The following CSMD3 variants were observed in gnomAD, a reference collection of about 807,000 sequenced individuals.
The protein encoded by CSMD3 is CUB and sushi domain-containing protein 3.
A neutral mutation model predicts 435.2 loss-of-function variants in CSMD3; 177 were observed. The observed-to-expected ratio is 0.41, with a 90% CI of 0.36 to 0.46. The LOEUF (loss-of-function observed/expected upper bound fraction) is 0.46. CSMD3 is among the 20% of genes least tolerant of loss of function. The pLI is 0.34. For synonymous variants in CSMD3, 1,656 were observed against 1,520.5 expected (o/e 1.09, Z -2.07); for missense variants, 4,265 against 4,504.6 (o/e 0.95, Z 1.52).
At chr8:112,879,957 A>C (rs565956410) in intron 10 of CSMD3, among the ~76,000 whole-genome samples, 3 of 152,172 alleles carry the variant, frequency 2.0e-5, no homozygotes, top group Admixed American at 2.0e-4. Context: ...CATTAGGAGA[A>C]ATATCTAATG....
chr8:112,422,107 G>A (rs1313886372), intron 32 of CSMD3, among the ~76,000 whole-genome samples: 11 of 152,004 alleles, frequency 7.2e-5, no homozygotes, highest in Non-Finnish European at 1.5e-5. Flanking sequence ...TGGTGGACAG[G>A]TCACATTAAA....
chr8:113,412,381 G>A (rs530413448), intron 1 of CSMD3, among the ~76,000 whole-genome samples: 20 of 152,200 alleles, frequency 1.3e-4, no homozygotes, highest in Admixed American at 8.5e-4. Context: ...GACTTGCAGA[G>A]TAAAGAAGTT....
chr8:113,215,163 CT>C (rs2092888382), intron 3 of CSMD3, among the ~76,000 whole-genome samples: 1 of 151,764 alleles, frequency 6.6e-6, no homozygotes, highest in Non-Finnish European at 1.5e-5. Context: ...GATATATTTG[CT>C]TTGCTTATAA....
intron 7 of CSMD3, among the ~76,000 whole-genome samples, chr8:112,963,186 C>G (rs960572678): frequency 6.6e-6 from 1 of 151,914 alleles, no homozygotes; most frequent in Non-Finnish European, 1.5e-5. Context: ...TAATGCAAGG[C>G]TACAATAGGA....
chr8:112,916,748 G>A (rs2130584469), intron 10 of CSMD3, among the ~76,000 whole-genome samples: 1 of 151,974 alleles, frequency 6.6e-6, no homozygotes, highest in East Asian at 1.9e-4. Context: ...GCAACTTTCT[G>A]TAGTTGCAAT....
At chr8:112,899,236 C>A (rs1223672708) in intron 10 of CSMD3, among the ~76,000 whole-genome samples, 4 of 150,872 alleles carry the variant, frequency 2.7e-5, no homozygotes, top group Non-Finnish European at 5.9e-5. Context: ...CCAGACTATG[C>A]AGAAACTAAT....
rs372447560 is a variant in CSMD3 at position 112,373,616 on chromosome 8, A to C, written c.6136+6736T>G. ...AGCATTTTGAGGCACCTTAAAATAC[A>C]TAAGGAGTTCTTCAGAATTTCTGTA... On this transcript the variant is annotated intron_variant, in intron 38 of 70. Coordinates refer to ENST00000297405, the MANE Select transcript of CSMD3 (RefSeq NM_198123.2). 2.6e-5 allele frequency among the ~76,000 whole-genome samples: 4 copies of C among 152,308 alleles called. No homozygotes were observed. In the East Asian group the frequency reaches 5.8e-4, roughly 22 times the overall value.
At chr8:113,417,491 G>C (rs2129893443) in intron 1 of CSMD3, among the ~76,000 whole-genome samples, 1 of 151,908 alleles carries the variant, frequency 6.6e-6, no homozygotes, top group African/African-American at 2.4e-5. Context: ...TAATATTTTG[G>C]AAGCAAACCT....
chr8:112,696,713 A>G (rs2131853866), intron 13 of CSMD3, among the ~76,000 whole-genome samples: 1 of 152,226 alleles, frequency 6.6e-6, no homozygotes, highest in South Asian at 2.1e-4. Context: ...ACAAAAGCCA[A>G]AATTGACAAA....
chr8:112,843,776 C>T (rs1489028914), intron 11 of CSMD3, among the ~76,000 whole-genome samples: 1 of 151,850 alleles, frequency 6.6e-6, no homozygotes, highest in African/African-American at 2.4e-5. Flanking sequence ...ACATTCTTTC[C>T]CAGATTTTCC....
At position 112,442,865 on chromosome 8, in the gene CSMD3, A is replaced by T. The variant is rs1815185084; in HGVS notation, c.5395+29726T>A. 2.6e-5 allele frequency among the ~76,000 whole-genome samples: 4 copies of T among 152,322 alleles called. No homozygotes were observed. The South Asian group carries it at 8.3e-4, about 32-fold the overall frequency. ...AAGTGAGTCAGATTCAAACATGCAG[A>T]CAAGGCCAACAGCCTGGCCTAAGGG... On this transcript the variant is annotated intron_variant, in intron 32 of 70. Transcript: ENST00000297405.
At chr8:112,670,534 T>C (rs1200748458) in intron 16 of CSMD3, among the ~76,000 whole-genome samples, 2 of 152,124 alleles carry the variant, frequency 1.3e-5, no homozygotes, top group African/African-American at 2.4e-5. Flanking sequence ...AAAGGCATTA[T>C]CAGATTATGA....
At chr8:112,514,392 T>A (rs1823461623) in intron 28 of CSMD3, among the ~76,000 whole-genome samples, 1 of 152,188 alleles carries the variant, frequency 6.6e-6, no homozygotes, top group East Asian at 1.9e-4. Flanking sequence ...CCATAAAGCA[T>A]TCAAAATATA....
chr8:113,149,755 CAT>C (rs961941565), intron 4 of CSMD3, among the ~76,000 whole-genome samples: 5 of 151,854 alleles, frequency 3.3e-5, no homozygotes, highest in Non-Finnish European at 5.9e-5. Context: ...TGAGTTTTCA[CAT>C]ATGCTATCCC....
chr8:112,386,788 C>G (rs948926322), intron 36 of CSMD3, among the ~76,000 whole-genome samples: 2 of 152,128 alleles, frequency 1.3e-5, no homozygotes, highest in Non-Finnish European at 2.9e-5. Context: ...TGAGCCACCG[C>G]GCCCGGCCCA....
chr8:112,746,363 C>A (rs2077425841), intron 13 of CSMD3, among the ~76,000 whole-genome samples: 1 of 152,032 alleles, frequency 6.6e-6, no homozygotes, highest in African/African-American at 2.4e-5. Context: ...AGTGGTGTGT[C>A]TTTGCTCTTA....
intron 1 of CSMD3, among the ~76,000 whole-genome samples, chr8:113,388,116 C>A (rs1428212740): frequency 2.0e-5 from 3 of 151,730 alleles, no homozygotes; most frequent in Non-Finnish European, 4.4e-5. Flanking sequence ...ATTTGATTAT[C>A]TTTATATGCT....
intron 13 of CSMD3, among the ~76,000 whole-genome samples, chr8:112,692,498 A>C (rs2076159240): frequency 6.6e-6 from 1 of 152,144 alleles, no homozygotes; most frequent in Admixed American, 6.5e-5. Context: ...TATTCAGTTC[A>C]ATTTGTTATA....
chr8:112,584,508 G>C (rs1376314910), intron 23 of CSMD3, among the ~76,000 whole-genome samples: 1 of 151,700 alleles, frequency 6.6e-6, no homozygotes, highest in Non-Finnish European at 1.5e-5. Context: ...TGAGATAAAA[G>C]TTGTACACGA....
Sources: allele counts gnomAD v4.1 joint callset (sites outside exome capture counted in the v4.1 genomes callset), GRCh38; gene constraint gnomAD v4.1.1; transcripts MANE v1.5; gene names NCBI Gene and HGNC (gene_info 2026-07-23, HGNC 2026-07-21).